The following MAP2K2 variants were observed in gnomAD, a reference collection of about 807,000 sequenced individuals.
MAP2K2 encodes mitogen-activated protein kinase kinase 2, also known as dual specificity mitogen-activated protein kinase kinase 2.
A neutral mutation model predicts 43.7 loss-of-function variants in MAP2K2; 24 were observed. That is an observed-to-expected ratio of 0.55 (90% confidence interval 0.40 to 0.77). The LOEUF (loss-of-function observed/expected upper bound fraction) is 0.77. MAP2K2 is among the 30% of genes least tolerant of loss of function. The probability of loss-of-function intolerance (pLI) is 0.00; values close to 1 mark genes in which losing one functional copy is unlikely to be tolerated. For synonymous variants in MAP2K2, 244 were observed against 239.7 expected (o/e 1.02, Z -0.17); for missense variants, 470 against 566.8 (o/e 0.83, Z 1.73).
intron 2 of MAP2K2, among the ~76,000 whole-genome samples, chr19:4,111,346 C>A (rs545606885): frequency 1.5e-4 from 23 of 152,322 alleles, no homozygotes; most frequent in African/African-American, 5.5e-4. Flanking sequence ...AATTCCCACT[C>A]AGTTGTAGTG....
At chr19:4,120,979 C>T (rs1336868832) in intron 1 of MAP2K2, among the ~76,000 whole-genome samples, 1 of 152,120 alleles carries the variant, frequency 6.6e-6, no homozygotes, top group Non-Finnish European at 1.5e-5. Context: ...GGCCACCAGA[C>T]ATGCCACAGT....
chr19:4,112,937 T>C (rs979974794), intron 2 of MAP2K2, among the ~76,000 whole-genome samples: 3 of 152,170 alleles, frequency 2.0e-5, no homozygotes, highest in African/African-American at 7.2e-5. Flanking sequence ...CCACATTTGT[T>C]TTCACACCGA....
chr19:4,117,095 G>A (rs924995622), intron 2 of MAP2K2, among the ~76,000 whole-genome samples: 1 of 152,190 alleles, frequency 6.6e-6, no homozygotes, highest in Non-Finnish European at 1.5e-5. Context: ...CGTCTTCATC[G>A]CTTGTTTCTC....
intron 2 of MAP2K2, among the ~76,000 whole-genome samples, chr19:4,113,397 G>C (rs2041180203): frequency 6.6e-6 from 1 of 152,164 alleles, no homozygotes; most frequent in African/African-American, 2.4e-5. Flanking sequence ...GGGTGTGCAA[G>C]GGGAAAGGCA....
At chr19:4,102,908 G>A in intron 3 of MAP2K2, 3 of 1,153,726 alleles carry the variant, frequency 2.6e-6, no homozygotes, top group Non-Finnish European at 3.2e-6. Context: ...GAAGGGAAGG[G>A]GAGGGTGAGG....
chr19:4,101,494 G>GTTCCCGT lies in MAP2K2; in HGVS notation c.529-215_529-214insACGGGAA, dbSNP rs989110206. 3.3e-5 allele frequency among the ~76,000 whole-genome samples: 5 copies of GTTCCCGT among 152,330 alleles called. No individual in the cohort carries two copies. Among genetic ancestry groups the GTTCCCGT allele is most frequent in the African/African-American group, 1.2e-4 (5 of 41,572 alleles). On this transcript the variant is annotated intron_variant, in intron 4 of 10. Coordinates refer to ENST00000262948, the MANE Select transcript of MAP2K2 (RefSeq NM_030662.4). This position sits in a 1 kb window ranked among gnomAD's most constrained non-coding sequence, Gnocchi z 6.3. Reference sequence around the variant, plus strand: ...TGCTGGCGTGTGCAAGTCAACCCCGGTTCCCATGGCCGCAGTGCCGCCGAT... The same window carrying GTTCCCGT: ...TGCTGGCGTGTGCAAGTCAACCCCGGTTCCCGTTTCCCATGGCCGCAGTGCCGCCGAT...
intron 10 of MAP2K2, among the ~76,000 whole-genome samples, chr19:4,093,808 G>T (rs1346041198): frequency 1.3e-5 from 2 of 152,170 alleles, no homozygotes; most frequent in Admixed American, 6.5e-5. Flanking sequence ...GGCTGTCTAG[G>T]GGGGTGGCAT....
rs1465441106 is a variant in MAP2K2, at chr19:4,090,450, G to A, written c.*148C>T. The A allele has an allele frequency of 7.0e-6, 5 of 719,226 alleles. No individual in the cohort carries two copies. Among genetic ancestry groups the A allele is most frequent in the Non-Finnish European group, 1.2e-5 (5 of 408,800 alleles). The allele number at this position is 719,226 out of a possible 1,614,324, so 44.6% of individuals were successfully genotyped here. On this transcript the variant is annotated 3_prime_UTR_variant, in exon 11 of 11. Coordinates refer to ENST00000262948, the MANE Select transcript of MAP2K2 (RefSeq NM_030662.4). Reference sequence around the variant, plus strand: ...GGCAGGAGAGGAGACCCCCGTTCCTGCATGCGCTGTCGCCCCGCCACGGTG... The same window carrying A: ...GGCAGGAGAGGAGACCCCCGTTCCTACATGCGCTGTCGCCCCGCCACGGTG...
chr19:4,103,689 C>A (rs1389581697), intron 3 of MAP2K2, among the ~76,000 whole-genome samples: 1 of 152,206 alleles, frequency 6.6e-6, no homozygotes. Context: ...GCCCGGGTTG[C>A]CGCTCTCTGG....
Position 4,110,672 on chromosome 19 carries a change from G to A in MAP2K2, c.304-17C>T, listed in dbSNP as rs2145070479. The A allele has an allele frequency of 6.2e-7, 1 of 1,609,408 alleles. No homozygotes were observed. Among genetic ancestry groups the A allele is most frequent in the East Asian group, 2.2e-5 (1 of 44,844 alleles). On this transcript the variant is annotated splice_polypyrimidine_tract_variant and intron_variant, in intron 2 of 10. Transcript: ENST00000262948. ...GTGGATCAGCTGCAAGGGGAGAGGG[G>A]CGAGACTGGCTTGGGGGGTGCCCGA...
intron 2 of MAP2K2, among the ~76,000 whole-genome samples, chr19:4,111,224 G>A (rs1300335149): frequency 6.6e-6 from 1 of 152,170 alleles, no homozygotes; most frequent in Non-Finnish European, 1.5e-5. Context: ...GGACGATGCC[G>A]TGAATATCCT....
chr19:4,113,169 C>T (rs965066102), intron 2 of MAP2K2, among the ~76,000 whole-genome samples: 13 of 152,130 alleles, frequency 8.5e-5, no homozygotes, highest in African/African-American at 3.1e-4. Flanking sequence ...GGCGGATGGG[C>T]TACTGGGAGG....
At chr19:4,109,909 C>T (rs1031471794) in intron 3 of MAP2K2, among the ~76,000 whole-genome samples, 20 of 152,116 alleles carry the variant, frequency 1.3e-4, no homozygotes, top group Middle Eastern at 3.2e-3. Flanking sequence ...AACCTACGTA[C>T]CCCCCAAAAC....
intron 10 of MAP2K2, 54 bp downstream of exon 10, chr19:4,094,399 G>T (rs552188887): frequency 5.2e-6 from 8 of 1,534,560 alleles, no homozygotes; most frequent in African/African-American, 1.4e-5. Context: ...ATTTCCTGGG[G>T]CCTGGGTGGC....
Position 4,097,791 on chromosome 19 carries a change from CCT to C in MAP2K2, c.920-450_920-449del, listed in dbSNP as rs905030628. ...GGAGACTGGCTAGGGGTGGCTGACC[CCT>C]GTCTGAGAACCAGCTGGCCAGGCCT... On this transcript the variant is annotated intron_variant, in intron 7 of 10. Transcript: ENST00000262948. Among the ~76,000 whole-genome samples the C allele has an allele frequency of 4.2e-4, 64 of 152,204 alleles. 2 individuals are homozygous for C. The highest frequency in any genetic ancestry group is 1.0e-3 in the Admixed American group (16 of 15,296).
At chr19:4,096,946 TCAAGAATTG>T (rs2040926713) in intron 8 of MAP2K2, among the ~76,000 whole-genome samples, 1 of 151,114 alleles carries the variant, frequency 6.6e-6, no homozygotes, top group Non-Finnish European at 1.5e-5. Flanking sequence ...TGGAATTGGT[TCAAGAATTG>T]CTTGAACCTG....
chr19:4,123,782 A>G lies in MAP2K2; in HGVS notation c.92+2T>C. The stretch of plus-strand genomic sequence containing the variant: ...GCCTCCGGCTGACCCCTGCCCACTC[A>G]CTCGGAGGCGCCCTCGCTGGTAGGG... On this transcript the variant is annotated splice_donor_variant, in intron 1 of 10. Transcript: ENST00000262948. LOFTEE classifies it high-confidence loss of function. 6.5e-7 allele frequency: 1 copy of G among 1,541,768 alleles called. No homozygotes were observed.
At chr19:4,123,565 G>A (rs1599312677) in intron 1 of MAP2K2, among the ~76,000 whole-genome samples, 1 of 11,840 alleles carries the variant, frequency 8.4e-5, no homozygotes, top group African/African-American at 4.3e-4. Flanking sequence ...CCCCTGCCCC[G>A]TCCTCCCCCG....
chr19:4,091,572 C>T lies in MAP2K2; in HGVS notation c.1093-864G>A, dbSNP rs141155037. ...TTCACCATGTTGGCCAGGTTGGTCT[C>T]GAACTCCTGAACTCAAATGATCCTC... On this transcript the variant is annotated intron_variant, in intron 10 of 10. Coordinates refer to ENST00000262948, the MANE Select transcript of MAP2K2 (RefSeq NM_030662.4). Among the ~76,000 whole-genome samples the T allele has an allele frequency of 2.1e-4, 32 of 152,044 alleles. No individual in the cohort carries two copies. The East Asian group carries it at 6.2e-3, about 29-fold the overall frequency.
Sources: gnomAD v4.1 joint callset for allele counts (sites outside exome capture counted in the v4.1 genomes callset) on GRCh38, gnomAD v4.1.1 for gene constraint, Gnocchi (gnomAD v3.1) non-coding constraint, MANE v1.5 for transcripts, NCBI Gene and HGNC (gene_info 2026-07-23, HGNC 2026-07-21) for gene names.